TPST2: variants seen among roughly 807,000 people sequenced by gnomAD.
TPST2 encodes tyrosylprotein sulfotransferase 2.
TPST2 carries 16 observed loss-of-function variants against 27.8 expected under a neutral mutation model. The ratio of observed to expected loss-of-function variants is 0.58; its 90% CI spans 0.39 to 0.88. The LOEUF is 0.88. Among genes scored for constraint, TPST2 ranks in the 40% least tolerant of loss-of-function variants. The pLI, the probability that TPST2 is intolerant of heterozygous loss-of-function variation, is 0.00. For synonymous variants in TPST2, 229 were observed against 231.7 expected (o/e 0.99, Z 0.10); for missense variants, 464 against 543.1 (o/e 0.85, Z 1.45).
chr22:26,548,326 G>C (rs1926237725), intron 1 of TPST2, among the ~76,000 whole-genome samples: 1 of 139,034 alleles, frequency 7.2e-6, no homozygotes, highest in Admixed American at 7.4e-5. Flanking sequence ...AAAGGAAAGG[G>C]AAGGGGAGGG....
intron 1 of TPST2, among the ~76,000 whole-genome samples, chr22:26,551,127 T>C (rs2267088): frequency 0.37 from 55,449 of 151,568 alleles, 10,552 homozygotes; most frequent in African/African-American, 0.46. Context: ...AACCCTCTCT[T>C]TACAAAAATT....
intron 1 of TPST2, among the ~76,000 whole-genome samples, chr22:26,587,966 T>G (rs1019474204): frequency 1.9e-4 from 29 of 152,030 alleles, no homozygotes; most frequent in African/African-American, 6.7e-4. Flanking sequence ...TAAAAAAATA[T>G]TTAAAGGTGA....
chr22:26,561,036 G>A, intron 1 of TPST2: 1 of 1,597,064 alleles, frequency 6.3e-7, no homozygotes, highest in South Asian at 1.1e-5. Flanking sequence ...GCCTGATGCA[G>A]CAAAAAAGGG....
At chr22:26,533,533 C>T (rs948772200) in intron 4 of TPST2, among the ~76,000 whole-genome samples, 1 of 152,182 alleles carries the variant, frequency 6.6e-6, no homozygotes, top group Non-Finnish European at 1.5e-5. Flanking sequence ...AAAAGCACTC[C>T]AGGCAGAGGC....
At chr22:26,537,517 A>T (rs1287616997) in intron 3 of TPST2, among the ~76,000 whole-genome samples, 2 of 152,182 alleles carry the variant, frequency 1.3e-5, no homozygotes, top group East Asian at 3.8e-4. Flanking sequence ...CAGTGGCACA[A>T]TCTTGGCTCA....
At chr22:26,561,110 G>A (rs1224266341) in intron 1 of TPST2, 38 of 1,609,298 alleles carry the variant, frequency 2.4e-5, no homozygotes, top group Non-Finnish European at 5.9e-6. Flanking sequence ...AAGATGAAGA[G>A]GATGAGGAGG....
chr22:26,567,806 T>C (rs1396352337), intron 1 of TPST2, among the ~76,000 whole-genome samples: 3 of 152,214 alleles, frequency 2.0e-5, no homozygotes, highest in African/African-American at 4.8e-5. Context: ...AATAAGCATA[T>C]GAAAGGTGCT....
chr22:26,541,158 TTGTTGCAGAGCACG>T lies in TPST2; in HGVS notation c.459_472del (p.Val154GlyfsTer45). Reference sequence around the variant, plus strand: ...CGAGGACTTGAGCGTAAATGGGTCCTTGTTGCAGAGCACGCGGGCCGGCTCTCCGTGCTTGGCAA... The same window carrying T: ...CGAGGACTTGAGCGTAAATGGGTCCTCGGGCCGGCTCTCCGTGCTTGGCAA... On this transcript the variant is annotated frameshift_variant, in exon 3 of 7. Coordinates refer to ENST00000338754, the MANE Select transcript of TPST2 (RefSeq NM_003595.5). LOFTEE classifies it high-confidence loss of function. This position sits in a 1 kb window ranked among gnomAD's most constrained non-coding sequence, Gnocchi z 5.9. 6.2e-7 allele frequency: 1 copy of T among 1,606,246 alleles called. No individual in the cohort carries two copies. The highest frequency in any genetic ancestry group is 8.5e-7 in the Non-Finnish European group (1 of 1,174,934).
chr22:26,562,063 G>A (rs967911370), intron 1 of TPST2, among the ~76,000 whole-genome samples: 1 of 152,194 alleles, frequency 6.6e-6, no homozygotes, highest in Admixed American at 6.5e-5. Flanking sequence ...CAACAAGCTG[G>A]GGGACTTGAA....
intron 1 of TPST2, among the ~76,000 whole-genome samples, chr22:26,556,889 T>C (rs1377474426): frequency 6.6e-6 from 1 of 152,158 alleles, no homozygotes; most frequent in Non-Finnish European, 1.5e-5. Context: ...GATGGCATAT[T>C]GTGGAGCATG....
chr22:26,557,777 T>G (rs1160404748), intron 1 of TPST2, among the ~76,000 whole-genome samples: 1 of 90,110 alleles, frequency 1.1e-5, no homozygotes, highest in East Asian at 3.0e-4. Context: ...TCAGACGTGG[T>G]GGCCCATGTC....
chr22:26,542,653 G>T (rs1307789173), intron 2 of TPST2, among the ~76,000 whole-genome samples: 1 of 152,216 alleles, frequency 6.6e-6, no homozygotes, highest in Non-Finnish European at 1.5e-5. Flanking sequence ...TCCTGCAGGA[G>T]GTAGCCTTCA....
rs566849991 is a variant in TPST2 at position 26,580,641 on chromosome 22, T to C, written c.-161+9412A>G. ...AATCCACTGGATTAAATTTAAAACA[T>C]GCCCTAATTAAAAAATTAATGCAAA... is the stretch of plus-strand genomic sequence containing the variant. On this transcript the variant is annotated intron_variant, in intron 1 of 6. Coordinates refer to ENST00000338754, the MANE Select transcript of TPST2 (RefSeq NM_003595.5). Among the ~76,000 whole-genome samples the C allele has an allele frequency of 2.0e-5, 3 of 152,336 alleles. No homozygotes were observed. The South Asian group carries it at 6.2e-4, about 32-fold the overall frequency.
intron 1 of TPST2, among the ~76,000 whole-genome samples, chr22:26,561,353 T>C (rs569355005): frequency 6.3e-4 from 96 of 152,302 alleles, no homozygotes; most frequent in African/African-American, 2.3e-3. Flanking sequence ...CCTGATGGTA[T>C]TTTCAATAGC....
chr22:26,553,060 CAAAAAAAAAAAAAAA>C (rs3037016), intron 1 of TPST2, among the ~76,000 whole-genome samples: 6 of 43,172 alleles, frequency 1.4e-4, no homozygotes, highest in African/African-American at 6.0e-4. Context: ...AACTCCATCT[CAAAAAAAAAAAAAAA>C]AAAAAAAAAA....
rs1381511117 is a variant in TPST2 at position 26,523,908 on chromosome 22, C to T, written c.*2367G>A. The T allele has an allele frequency of 6.6e-6, 1 of 152,162 alleles. No individual in the cohort carries two copies. Among genetic ancestry groups the T allele is most frequent in the Non-Finnish European group, 1.5e-5 (1 of 68,048 alleles). 9.4% of individuals were successfully genotyped at this position (152,162 alleles called of 1,614,324 possible). ...TCTTTATTTTCTTTCAGTGTTTTCC[C>T]AGGAAGTTCTCTGAACATCCAGGGT... On this transcript the variant is annotated 3_prime_UTR_variant, in exon 7 of 7. Coordinates refer to ENST00000338754, the MANE Select transcript of TPST2 (RefSeq NM_003595.5).
chr22:26,541,133 C>G lies in TPST2; in HGVS notation c.498G>C (p.Ser166=). 2.5e-6 allele frequency: 4 copies of G among 1,607,286 alleles called. No individual in the cohort carries two copies. The highest frequency in any genetic ancestry group is 3.4e-6 in the Non-Finnish European group (4 of 1,175,506). The change falls in exon 3 of 7, where the codon TCG becomes TCC. Residue 166 remains serine (S), a synonymous_variant. Transcript: ENST00000338754. The surrounding 1 kb of genome is among the most constrained non-coding windows in gnomAD (Gnocchi z 5.9). Reference sequence around the variant, plus strand: ...TGGGGAACAGGCGCGACAGGTAGACCGAGGACTTGAGCGTAAATGGGTCCT... The same window carrying G: ...TGGGGAACAGGCGCGACAGGTAGACGGAGGACTTGAGCGTAAATGGGTCCT... ...CNKDPFTLKS[S]VYLSRLFPNS...
chr22:26,540,865 G>A lies in TPST2; in HGVS notation c.766C>T (p.Leu256Phe). The A allele has an allele frequency of 1.9e-6, 3 of 1,614,116 alleles. No homozygotes were observed. The highest frequency in any genetic ancestry group is 1.1e-5 in the South Asian group (1 of 91,088). Residue 256 changes from leucine to phenylalanine, a missense_variant, in exon 3 of 7, where the codon CTC becomes TTC. Leu to Phe is a conservative substitution (Grantham distance 22). Coordinates refer to ENST00000338754, the MANE Select transcript of TPST2 (RefSeq NM_003595.5). ...ACAGCGTCGCTCCAGGCGATGCCGA[G>A]GAAGTCGAGGATGAGCTTGAGTGAG... The part of the protein sequence containing the change: ...RRSLKLILDF[L>F]GIAWSDAVLH...
In TPST2 at chr22:26,565,932, T is replaced by C. The variant is rs1403275843; in HGVS notation, c.-160-21257A>G. Reference sequence around the variant, plus strand: ...TACAGAGATTTCATAAAATTGATAGTTGAACAAAGTATATCCACACACCCA... The same window carrying C: ...TACAGAGATTTCATAAAATTGATAGCTGAACAAAGTATATCCACACACCCA... On this transcript the variant is annotated intron_variant, in intron 1 of 6. Coordinates refer to ENST00000338754, the MANE Select transcript of TPST2 (RefSeq NM_003595.5). Among the ~76,000 whole-genome samples the C allele has an allele frequency of 2.6e-5, 4 of 152,216 alleles. No individual in the cohort carries two copies. In the East Asian group the frequency reaches 7.7e-4, roughly 29 times the overall value.
Sources: gnomAD v4.1 joint callset for allele counts (sites outside exome capture counted in the v4.1 genomes callset) on GRCh38, gnomAD v4.1.1 for gene constraint, Gnocchi (gnomAD v3.1) non-coding constraint, MANE v1.5 for transcripts, NCBI Gene and HGNC (gene_info 2026-07-23, HGNC 2026-07-21) for gene names.